Variants in TRABD2B observed in about 807,000 individuals in gnomAD.
TRABD2B encodes TraB domain containing 2B.
TRABD2B carries 14 observed loss-of-function variants against 40.1 expected under a neutral mutation model. That is an observed-to-expected ratio of 0.35 (90% confidence interval 0.23 to 0.55). The LOEUF (loss-of-function observed/expected upper bound fraction) is 0.55. Ranked by LOEUF, TRABD2B falls within the 20% of genes least tolerant of loss-of-function variation. TRABD2B has a pLI of 0.90. For synonymous variants in TRABD2B, 263 were observed against 277.0 expected (o/e 0.95, Z 0.50); for missense variants, 541 against 648.6 (o/e 0.83, Z 1.80).
chr1:47,815,329 G>A (rs1258259203), intron 2 of TRABD2B, among the ~76,000 whole-genome samples: 2 of 152,190 alleles, frequency 1.3e-5, no homozygotes, highest in Non-Finnish European at 2.9e-5. Flanking sequence ...GACCTGGGAG[G>A]GCGGGCTGTA....
At chr1:47,786,157 C>T (rs568436475) in intron 4 of TRABD2B, among the ~76,000 whole-genome samples, 3 of 152,280 alleles carry the variant, frequency 2.0e-5, no homozygotes, top group South Asian at 2.1e-4. Flanking sequence ...AGTGGGAGGC[C>T]GCAGGCTGAG....
intron 2 of TRABD2B, among the ~76,000 whole-genome samples, chr1:47,940,150 C>T (rs934674543): frequency 2.0e-5 from 3 of 152,208 alleles, no homozygotes; most frequent in Admixed American, 1.3e-4. Context: ...GTTTACAGTG[C>T]CCTTAGACCC....
chr1:47,980,425 A>T (rs1645824814), intron 2 of TRABD2B, among the ~76,000 whole-genome samples: 1 of 152,200 alleles, frequency 6.6e-6, no homozygotes, highest in East Asian at 1.9e-4. Context: ...TAGCATCCAT[A>T]GGACCCTCCA....
intron 2 of TRABD2B, among the ~76,000 whole-genome samples, chr1:47,949,667 C>CA (rs1428393006): frequency 1.3e-5 from 2 of 151,928 alleles, no homozygotes; most frequent in Non-Finnish European, 2.9e-5. Context: ...CTCATCCTCC[C>CA]AAAGTGCTGG....
intron 2 of TRABD2B, among the ~76,000 whole-genome samples, chr1:47,868,220 G>A (rs987391301): frequency 2.0e-5 from 3 of 152,210 alleles, no homozygotes; most frequent in African/African-American, 7.2e-5. Flanking sequence ...TGAACTACAT[G>A]CTTTATGAAG....
chr1:47,805,117 C>A (rs1644873935), intron 2 of TRABD2B, among the ~76,000 whole-genome samples: 1 of 152,144 alleles, frequency 6.6e-6, no homozygotes, highest in Admixed American at 6.5e-5. Flanking sequence ...TAAGGCCACA[C>A]AATGAGCTGT....
chr1:47,996,850 G>T lies in TRABD2B; in HGVS notation c.-61C>A. The T allele has an allele frequency of 8.6e-7, 1 of 1,160,072 alleles. No individual in the cohort carries two copies. Among genetic ancestry groups the T allele is most frequent in the East Asian group, 4.1e-5 (1 of 24,498 alleles). 71.9% of individuals were successfully genotyped at this position (1,160,072 alleles called of 1,614,324 possible). A position where few individuals can be genotyped will look rare whatever the true frequency, so the allele number is the denominator to read the frequency against. The stretch of plus-strand genomic sequence containing the variant: ...GGGCGGCGCCCCTCAGCGGGGCGGG[G>T]AGCCCCCAGTTGGGCACGGAGTTTC... On this transcript the variant is annotated 5_prime_UTR_variant, in exon 1 of 7. Transcript: ENST00000606738. This position sits in a 1 kb window ranked among gnomAD's most constrained non-coding sequence, Gnocchi z 4.6.
intron 2 of TRABD2B, among the ~76,000 whole-genome samples, chr1:47,895,766 G>A (rs548729225): frequency 6.6e-6 from 1 of 152,204 alleles, no homozygotes; most frequent in Non-Finnish European, 1.5e-5. Context: ...GGCTGAAAGG[G>A]GCCCATAGGG....
intron 2 of TRABD2B, among the ~76,000 whole-genome samples, chr1:47,872,502 C>T (rs960332850): frequency 7.2e-5 from 11 of 152,138 alleles, no homozygotes; most frequent in Non-Finnish European, 2.9e-5. Flanking sequence ...GTCCCAACTC[C>T]CAGCCCAAGT....
chr1:47,877,267 G>T (rs1644239090), intron 2 of TRABD2B, among the ~76,000 whole-genome samples: 1 of 152,072 alleles, frequency 6.6e-6, no homozygotes, highest in African/African-American at 2.4e-5. Context: ...CTGTTGGGAA[G>T]ACAGCTTGGT....
chr1:47,783,873 G>A lies in TRABD2B; in HGVS notation c.989-5329C>T, dbSNP rs541922193. On this transcript the variant is annotated intron_variant, in intron 4 of 6. Coordinates refer to ENST00000606738, the MANE Select transcript of TRABD2B (RefSeq NM_001194986.2). ...TAGAGCGAGTGCTGTCCTAGGGTTA[G>A]GACTGTTAGAACACCCCACTCATCA... Among the ~76,000 whole-genome samples, 4 of 152,274 alleles carry A rather than the reference G, an allele frequency of 2.6e-5. 1 individual carries two copies. The highest frequency in any genetic ancestry group is 7.2e-5 in the African/African-American group (3 of 41,546).
intron 2 of TRABD2B, among the ~76,000 whole-genome samples, chr1:47,936,904 T>G (rs1347431979): frequency 6.7e-6 from 1 of 149,794 alleles, no homozygotes; most frequent in Non-Finnish European, 1.5e-5. Flanking sequence ...ATCACCATCA[T>G]GATCATCACC....
At chr1:47,915,908 G>A (rs75635579) in intron 2 of TRABD2B, among the ~76,000 whole-genome samples, 2 of 152,326 alleles carry the variant, frequency 1.3e-5, no homozygotes, top group Non-Finnish European at 2.9e-5. Context: ...AGCCATGGCT[G>A]ACAGGTCTCC....
chr1:47,853,908 T>C (rs1482392729), intron 2 of TRABD2B, among the ~76,000 whole-genome samples: 1 of 152,218 alleles, frequency 6.6e-6, no homozygotes, highest in Non-Finnish European at 1.5e-5. Flanking sequence ...CATCTCTCCC[T>C]GTTTAAACCT....
intron 2 of TRABD2B, among the ~76,000 whole-genome samples, chr1:47,830,661 G>A (rs1645236293): frequency 6.6e-6 from 1 of 152,196 alleles, no homozygotes. Flanking sequence ...CAGGCACAAA[G>A]AGAGGTTTCT....
chr1:47,779,697 G>A (rs1227234215), intron 4 of TRABD2B, among the ~76,000 whole-genome samples: 5 of 152,138 alleles, frequency 3.3e-5, no homozygotes, highest in South Asian at 2.1e-4. Context: ...CTTGTTCAGG[G>A]CCCATGGGCC....
At chr1:47,929,432 T>C (rs531045982) in intron 2 of TRABD2B, among the ~76,000 whole-genome samples, 1 of 152,220 alleles carries the variant, frequency 6.6e-6, no homozygotes, top group Non-Finnish European at 1.5e-5. Flanking sequence ...CTCTCTGAAC[T>C]GTTAAGCTCC....
chr1:47,952,650 T>C lies in TRABD2B; in HGVS notation c.666+41384A>G, dbSNP rs77953425. Among the ~76,000 whole-genome samples, 1,161 of 152,272 alleles carry C rather than the reference T, an allele frequency of 7.6e-3. 14 individuals carry two copies. The highest frequency in any genetic ancestry group is 0.012 in the Non-Finnish European group (816 of 68,010). On this transcript the variant is annotated intron_variant, in intron 2 of 6. Coordinates refer to ENST00000606738, the MANE Select transcript of TRABD2B (RefSeq NM_001194986.2). ...CCTGTCACCCACTCCTGGACTCACA[T>C]GTGTCTGTCTATCTCTCCCACTAGA... is the stretch of plus-strand genomic sequence containing the variant.
intron 2 of TRABD2B, among the ~76,000 whole-genome samples, chr1:47,828,052 C>G (rs1288380047): frequency 6.6e-6 from 1 of 152,174 alleles, no homozygotes; most frequent in Non-Finnish European, 1.5e-5. Flanking sequence ...CTCCTGTTAA[C>G]TGGGGACAAT....
Sources: allele counts gnomAD v4.1 joint callset (sites outside exome capture counted in the v4.1 genomes callset), GRCh38; gene constraint gnomAD v4.1.1; non-coding constraint Gnocchi (gnomAD v3.1); transcripts MANE v1.5; gene names NCBI Gene and HGNC (gene_info 2026-07-23, HGNC 2026-07-21).